DCBLD1: variants seen among roughly 807,000 people sequenced by gnomAD.
The protein encoded by DCBLD1 is discoidin, CUB and LCCL domain containing 1, also known as discoidin, CUB and LCCL domain-containing protein 1.
A neutral mutation model predicts 71.5 loss-of-function variants in DCBLD1; 57 were observed. The ratio of observed to expected loss-of-function variants is 0.80; its 90% CI spans 0.64 to 0.99. The LOEUF (loss-of-function observed/expected upper bound fraction) is 0.99. DCBLD1 is among the 50% of genes least tolerant of loss of function. The pLI, the probability that DCBLD1 is intolerant of heterozygous loss-of-function variation, is 0.00. For missense variants in DCBLD1, 891 were observed against 923.5 expected (o/e 0.96, Z 0.46); for synonymous variants, 380 against 363.8 (o/e 1.04, Z -0.51).
intron 6 of DCBLD1, among the ~76,000 whole-genome samples, chr6:117,535,445 C>T (rs570333930): frequency 2.6e-5 from 4 of 152,160 alleles, no homozygotes; most frequent in Non-Finnish European, 5.9e-5. Flanking sequence ...AGAACCCTAA[C>T]CTCCCTAGGG....
chr6:117,497,366 A>G (rs1351506079), intron 1 of DCBLD1, among the ~76,000 whole-genome samples: 3 of 152,210 alleles, frequency 2.0e-5, no homozygotes, highest in Admixed American at 6.5e-5. Context: ...TTAGTGGAAC[A>G]TGATTTCTTA....
chr6:117,547,629 T>G (rs1310200171), intron 14 of DCBLD1: 2 of 699,728 alleles, frequency 2.9e-6, no homozygotes, highest in Non-Finnish European at 5.3e-6. Context: ...TCAGAGCCAC[T>G]TCCTCCCTGA....
intron 14 of DCBLD1, among the ~76,000 whole-genome samples, chr6:117,566,360 T>C (rs760495074): frequency 6.6e-6 from 1 of 152,170 alleles, no homozygotes; most frequent in Non-Finnish European, 1.5e-5. Context: ...TGCTAGAGTT[T>C]TTCCTTAAAA....
chr6:117,551,011 C>T (rs1163849613), downstream of DCBLD1, among the ~76,000 whole-genome samples: 1 of 152,206 alleles, frequency 6.6e-6, no homozygotes, highest in Admixed American at 6.5e-5. Flanking sequence ...GCAGTCACCC[C>T]ATGCCACATT....
rs140724836 is a variant in DCBLD1 at position 117,503,942 on chromosome 6, T to A, written c.288T>A (p.Ser96=). The stretch of plus-strand genomic sequence containing the variant: ...ATATCGAATCCCAGACCTGTGCTTC[T>A]GACTATCTTCTCTTCACCAGCTCTT... The part of the protein sequence containing the change: ...DLDIESQTCA[S]DYLLFTSSSD... Residue 96 remains serine (S), a synonymous_variant, in exon 2 of 15, where the codon TCT becomes TCA. Transcript: ENST00000338728. 6 of 1,614,072 alleles carry A rather than the reference T, an allele frequency of 3.7e-6. No homozygotes were observed. In the African/African-American group the frequency reaches 6.7e-5, roughly 18 times the overall value.
rs368283300 is a variant in DCBLD1, at chr6:117,500,062, G to A, written c.113-3705G>A. Among the ~76,000 whole-genome samples, 23 of 152,246 alleles carry A rather than the reference G, an allele frequency of 1.5e-4. No individual in the cohort carries two copies. The East Asian group carries it at 2.5e-3, about 17-fold the overall frequency. On this transcript the variant is annotated intron_variant, in intron 1 of 14. Coordinates refer to ENST00000338728, the MANE Select transcript of DCBLD1 (RefSeq NM_001366458.2). ...CTTGTCTATTGGTTTTCATGTGTAC[G>A]CATCTGCCTTCTTCAACACATGACA...
rs1778659298 is a variant in DCBLD1, at chr6:117,529,903, A to T, written c.586-2357A>T. Among the ~76,000 whole-genome samples, 3 of 152,236 alleles carry T rather than the reference A, an allele frequency of 2.0e-5. No homozygotes were observed. In the South Asian group the frequency reaches 6.2e-4, roughly 32 times the overall value. ...AGGTATTCACCATTGAATTCCTTCA[A>T]TACTGGGTACTGTGAGAAACGAGAA... is the stretch of plus-strand genomic sequence containing the variant. On this transcript the variant is annotated intron_variant, in intron 5 of 14. Transcript: ENST00000338728.
chr6:117,544,724 G>T, intron 13 of DCBLD1, 147 bp downstream of exon 13: 1 of 719,872 alleles, frequency 1.4e-6, no homozygotes. Flanking sequence ...TATCTATAAG[G>T]AAGAAATTTA....
At position 117,520,841 on chromosome 6, in the gene DCBLD1, A is replaced by T. The variant is rs186362396; in HGVS notation, c.461-684A>T. Reference sequence around the variant, plus strand: ...TCCTCTTAGCCAATCAGCTCTGACTAATCACAGCAGATGCCTGCATTGCCA... The same window carrying T: ...TCCTCTTAGCCAATCAGCTCTGACTTATCACAGCAGATGCCTGCATTGCCA... On this transcript the variant is annotated intron_variant, in intron 3 of 14. Coordinates refer to ENST00000338728, the MANE Select transcript of DCBLD1 (RefSeq NM_001366458.2). Among the ~76,000 whole-genome samples the T allele has an allele frequency of 1.1e-4, 16 of 152,342 alleles. No homozygotes were observed. In the East Asian group the frequency reaches 2.1e-3, roughly 20 times the overall value.
intron 1 of DCBLD1, among the ~76,000 whole-genome samples, chr6:117,501,878 T>C (rs149595111): frequency 1.6e-3 from 242 of 152,254 alleles, no homozygotes; most frequent in African/African-American, 5.6e-3. Context: ...CCAAACCTGC[T>C]CCCTCTCTGG....
chr6:117,501,499 A>G (rs1395741866), intron 1 of DCBLD1, among the ~76,000 whole-genome samples: 1 of 151,890 alleles, frequency 6.6e-6, no homozygotes, highest in African/African-American at 2.4e-5. Flanking sequence ...ATGCCCAGCT[A>G]ATTTTTGTAT....
rs745542895 is a variant in DCBLD1, at chr6:117,548,389, A to G, written c.2098A>G (p.Arg700Gly). The G allele has an allele frequency of 3.9e-6, 6 of 1,550,658 alleles. No homozygotes were observed. In the South Asian group the frequency reaches 5.9e-5, roughly 15 times the overall value. Residue 700 changes from arginine to glycine, a missense_variant, in exon 15 of 15, where the codon AGA becomes GGA. By Grantham distance (125) the Arg-to-Gly change is moderately radical. Transcript: ENST00000338728. ...GACGAGTGACAGCTATTCTGCCCCC[A>G]GAGACTGCCTCACACCCCTCAACCA... ...PGTSDSYSAP[R>G]DCLTPLNQTA...
downstream of DCBLD1, among the ~76,000 whole-genome samples, chr6:117,553,981 G>C (rs1388465038): frequency 6.6e-6 from 1 of 152,144 alleles, no homozygotes; most frequent in Non-Finnish European, 1.5e-5. Context: ...ATACCTTATA[G>C]GGTTGTGGTG....
chr6:117,550,518 A>G (rs996290661), downstream of DCBLD1, among the ~76,000 whole-genome samples: 17 of 152,294 alleles, frequency 1.1e-4, no homozygotes, highest in African/African-American at 4.1e-4. Context: ...GTTGAAACAC[A>G]TTTGCTATGA....
intron 2 of DCBLD1, 23 bp from the exon 3 acceptor site, chr6:117,519,793 C>T (rs1778323637): frequency 6.3e-7 from 1 of 1,597,034 alleles, no homozygotes; most frequent in Non-Finnish European, 8.6e-7. Context: ...TTGAAATGTG[C>T]CACAAGTGTG....
intron 1 of DCBLD1, among the ~76,000 whole-genome samples, chr6:117,487,972 G>A (rs1777148209): frequency 6.6e-6 from 1 of 152,204 alleles, no homozygotes; most frequent in South Asian, 2.1e-4. Context: ...GCAAACGCAT[G>A]TGATGACTTC....
intron 1 of DCBLD1, among the ~76,000 whole-genome samples, chr6:117,494,200 T>C (rs1257684910): frequency 2.0e-5 from 3 of 152,234 alleles, no homozygotes; most frequent in African/African-American, 7.2e-5. Flanking sequence ...AAAACTATTA[T>C]CTGTGAAAGT....
intron 9 of DCBLD1, 38 bp downstream of exon 9, chr6:117,539,417 A>T: frequency 6.4e-7 from 1 of 1,560,862 alleles, no homozygotes; most frequent in South Asian, 1.2e-5. Flanking sequence ...ACTGAGTAGG[A>T]GAACAGGCCT....
chr6:117,507,392 CTGTT>C (rs1446120520), intron 2 of DCBLD1, among the ~76,000 whole-genome samples: 6 of 152,148 alleles, frequency 3.9e-5, no homozygotes, highest in Non-Finnish European at 8.8e-5. Context: ...TATTCTTCTT[CTGTT>C]TGTCATATAT....
Sources: gnomAD v4.1 joint callset for allele counts (sites outside exome capture counted in the v4.1 genomes callset) on GRCh38, gnomAD v4.1.1 for gene constraint, MANE v1.5 for transcripts, NCBI Gene and HGNC (gene_info 2026-07-23, HGNC 2026-07-21) for gene names.